NCKAP5: variants seen among roughly 807,000 people sequenced by gnomAD.
The protein encoded by NCKAP5 is nck-associated protein 5.
In NCKAP5, 92 loss-of-function variants were observed where a neutral mutation model predicts 167.0. The observed-to-expected ratio is 0.55, with a 90% CI of 0.47 to 0.66. The LOEUF is 0.66. Among genes scored for constraint, NCKAP5 ranks in the 30% least tolerant of loss-of-function variants. The probability of loss-of-function intolerance (pLI) is 0.00; values close to 1 mark genes in which losing one functional copy is unlikely to be tolerated. For synonymous variants in NCKAP5, 891 were observed against 877.4 expected (o/e 1.02, Z -0.27); for missense variants, 2,378 against 2,315.0 (o/e 1.03, Z -0.56).
the NCKAP5 span, among the ~76,000 whole-genome samples, chr2:133,660,114 G>A: frequency 6.6e-6 from 1 of 152,134 alleles, no homozygotes; most frequent in Admixed American, 6.5e-5. Flanking sequence ...TGTAACTTGT[G>A]TCCACATGTG....
intron 7 of NCKAP5, among the ~76,000 whole-genome samples, chr2:132,982,503 T>TA (rs923761156): frequency 6.6e-6 from 1 of 152,202 alleles, no homozygotes; most frequent in East Asian, 1.9e-4. Flanking sequence ...AGCAGTCTTT[T>TA]AAAAAAATAT....
At chr2:132,878,593 T>G (rs1264110541) in intron 9 of NCKAP5, among the ~76,000 whole-genome samples, 2 of 148,788 alleles carry the variant, frequency 1.3e-5, no homozygotes, top group Admixed American at 6.8e-5. Flanking sequence ...GATAAGGAAT[T>G]AGGGAGGGAG....
chr2:132,904,012 G>A (rs62178889), intron 8 of NCKAP5, among the ~76,000 whole-genome samples: 16,654 of 152,092 alleles, frequency 0.11, 1,097 homozygotes, highest in South Asian at 0.18. Flanking sequence ...ATAATGGCCC[G>A]GCGCGGTGGC....
At chr2:133,440,113 T>C (rs1690740481) in intron 3 of NCKAP5, among the ~76,000 whole-genome samples, 1 of 152,158 alleles carries the variant, frequency 6.6e-6, no homozygotes, top group Non-Finnish European at 1.5e-5. Context: ...GCCCTTTATT[T>C]CTTCAGTGTC....
intron 11 of NCKAP5, among the ~76,000 whole-genome samples, chr2:132,811,615 C>T (rs547256069): frequency 6.6e-6 from 1 of 152,042 alleles, no homozygotes; most frequent in Non-Finnish European, 1.5e-5. Flanking sequence ...CCCAACCCTG[C>T]CCCCTGCCCC....
chr2:132,962,241 A>C (rs1041608449), intron 8 of NCKAP5, among the ~76,000 whole-genome samples: 2 of 152,216 alleles, frequency 1.3e-5, no homozygotes, highest in African/African-American at 4.8e-5. Context: ...GTGTGGATGA[A>C]TGAAAGAGAC....
At chr2:132,730,893 GC>G (rs2105475124) in intron 17 of NCKAP5, among the ~76,000 whole-genome samples, 1 of 152,328 alleles carries the variant, frequency 6.6e-6, no homozygotes, top group Non-Finnish European at 1.5e-5. Flanking sequence ...GAAGAACTCA[GC>G]CATGGGAATA....
chr2:133,467,576 G>A (rs2151264346), intron 3 of NCKAP5, among the ~76,000 whole-genome samples: 1 of 150,546 alleles, frequency 6.6e-6, no homozygotes, highest in South Asian at 2.1e-4. Context: ...AATAGTTTCA[G>A]AAGGAATGGT....
intron 4 of NCKAP5, among the ~76,000 whole-genome samples, chr2:133,254,717 G>A (rs115291776): frequency 0.024 from 3,662 of 152,166 alleles, 140 homozygotes; most frequent in African/African-American, 0.083. Context: ...GTGAAGTTAC[G>A]TAAGTTATCC....
intron 4 of NCKAP5, among the ~76,000 whole-genome samples, chr2:133,249,406 AGAACCTCCAAAATGAATG>A (rs1212133615): frequency 9.2e-5 from 14 of 152,328 alleles, no homozygotes; most frequent in African/African-American, 3.4e-4. Context: ...ATTCTCCCTG[AGAACCTCCAAAATGAATG>A]GAACCCTGCC....
At chr2:133,048,875 G>C (rs72996893) in intron 6 of NCKAP5, among the ~76,000 whole-genome samples, 4,002 of 152,234 alleles carry the variant, frequency 0.026, 175 homozygotes, top group African/African-American at 0.092. Flanking sequence ...ACAATGTTCA[G>C]AGCAGTGTAA....
At chr2:133,251,851 C>T (rs2088357586) in intron 4 of NCKAP5, among the ~76,000 whole-genome samples, 1 of 152,022 alleles carries the variant, frequency 6.6e-6, no homozygotes, top group African/African-American at 2.4e-5. Context: ...CAATGAAGAC[C>T]AGACACAATC....
intron 6 of NCKAP5, among the ~76,000 whole-genome samples, chr2:133,076,391 G>T (rs1355219331): frequency 6.6e-6 from 1 of 152,072 alleles, no homozygotes; most frequent in Non-Finnish European, 1.5e-5. Flanking sequence ...CCTCAGGGAT[G>T]ACTGAATACT....
intron 3 of NCKAP5, among the ~76,000 whole-genome samples, chr2:133,361,535 A>T (rs1307370199): frequency 6.6e-6 from 1 of 152,230 alleles, no homozygotes; most frequent in Non-Finnish European, 1.5e-5. Context: ...GAATACTGCC[A>T]TGTGGTCCAG....
chr2:133,074,714 C>T (rs1407004598), intron 6 of NCKAP5, among the ~76,000 whole-genome samples: 2 of 152,098 alleles, frequency 1.3e-5, no homozygotes, highest in Admixed American at 6.6e-5. Context: ...TGAACATTCA[C>T]TGAATCAGCT....
intron 6 of NCKAP5, among the ~76,000 whole-genome samples, chr2:133,018,199 T>C (rs993224090): frequency 1.3e-5 from 2 of 152,198 alleles, no homozygotes; most frequent in African/African-American, 2.4e-5. Flanking sequence ...CAACCCACCA[T>C]GCAACCTGGG....
intron 4 of NCKAP5, among the ~76,000 whole-genome samples, chr2:133,294,630 T>A (rs534975769): frequency 3.3e-5 from 5 of 152,212 alleles, no homozygotes; most frequent in Admixed American, 6.5e-5. Flanking sequence ...TAAAAATGTA[T>A]AGATATATCA....
chr2:133,162,184 T>C (rs2083819504), intron 5 of NCKAP5, among the ~76,000 whole-genome samples: 2 of 152,208 alleles, frequency 1.3e-5, no homozygotes, highest in East Asian at 1.9e-4. Context: ...TCTACATAAA[T>C]AGGCAAAAGG....
the NCKAP5 span, among the ~76,000 whole-genome samples, chr2:133,591,997 A>G: frequency 6.6e-6 from 1 of 152,150 alleles, no homozygotes; most frequent in African/African-American, 2.4e-5. Flanking sequence ...CTTCCAGAAA[A>G]GGTCAATCAC....
Sources: gnomAD v4.1 joint callset for allele counts (sites outside exome capture counted in the v4.1 genomes callset) on GRCh38, gnomAD v4.1.1 for gene constraint, MANE v1.5 for transcripts, NCBI Gene and HGNC (gene_info 2026-07-23, HGNC 2026-07-21) for gene names.